TCTN3: variants seen among roughly 807,000 people sequenced by gnomAD.
TCTN3 encodes the protein tectonic-3.
TCTN3 carries 57 observed loss-of-function variants against 71.3 expected under a neutral mutation model. The observed-to-expected ratio is 0.80, with a 90% CI of 0.65 to 1.00. The LOEUF is 1.00. TCTN3 is among the 50% of genes least tolerant of loss of function. TCTN3 has a pLI of 0.00. For synonymous variants in TCTN3, 258 were observed against 267.8 expected (o/e 0.96, Z 0.36); for missense variants, 696 against 719.9 (o/e 0.97, Z 0.38).
At chr10:95,693,244 G>A (rs898562833) in intron 2 of TCTN3, 109 bp downstream of exon 2, 2 of 1,485,272 alleles carry the variant, frequency 1.3e-6, no homozygotes, top group Admixed American at 2.2e-5. Context: ...AATGTCCTAG[G>A]AGTGGAAGTA....
chr10:95,686,667 A>G (rs1198742399), intron 6 of TCTN3, 137 bp from the exon 7 acceptor site: 3 of 799,990 alleles, frequency 3.8e-6, no homozygotes, highest in Non-Finnish European at 6.1e-6. Flanking sequence ...TACTTCCTCT[A>G]TTCCACCTGA....
chr10:95,684,776 A>T, intron 8 of TCTN3, 152 bp from the exon 9 acceptor site: 1 of 822,804 alleles, frequency 1.2e-6, no homozygotes, highest in South Asian at 2.0e-5. Flanking sequence ...ATACTATGAA[A>T]GATAAAGATG....
At chr10:95,690,254 A>G (rs1275648151) in intron 3 of TCTN3, among the ~76,000 whole-genome samples, 1 of 152,154 alleles carries the variant, frequency 6.6e-6, no homozygotes, top group East Asian at 1.9e-4. Context: ...AAAGTGCTGG[A>G]TTACAGGTAT....
chr10:95,681,915 C>T (rs1398453481), intron 12 of TCTN3, among the ~76,000 whole-genome samples: 1 of 152,196 alleles, frequency 6.6e-6, no homozygotes, highest in Non-Finnish European at 1.5e-5. Context: ...CTACTTCAGG[C>T]TGGGAACAGT....
chr10:95,689,717 T>A (rs2097951881), intron 3 of TCTN3, among the ~76,000 whole-genome samples: 1 of 152,216 alleles, frequency 6.6e-6, no homozygotes, highest in South Asian at 2.1e-4. Context: ...CCATCACAGA[T>A]GATATATTAC....
At chr10:95,693,322 T>C in intron 2 of TCTN3, 31 bp downstream of exon 2, 1 of 1,551,474 alleles carries the variant, frequency 6.4e-7, no homozygotes, top group African/African-American at 1.4e-5. Context: ...CCCAAACCCC[T>C]TTAGGATTCA....
At position 95,664,318 on chromosome 10, in the gene TCTN3, A is replaced by G. The variant is rs764681510; in HGVS notation, c.1591-18T>C. 2 of 1,609,666 alleles carry G rather than the reference A, an allele frequency of 1.2e-6. No individual in the cohort carries two copies. Among genetic ancestry groups the G allele is most frequent in the African/African-American group, 2.7e-5 (2 of 74,798 alleles). On this transcript the variant is annotated intron_variant, in intron 13 of 13. Coordinates refer to ENST00000371217, the MANE Select transcript of TCTN3 (RefSeq NM_015631.6). ...TGAGAATCCTACGGGAAGAAAGTCA[A>G]TGACAGGTCAGCGCTTGGTACCCAT...
At chr10:95,692,273 C>T (rs772087976) in intron 3 of TCTN3, among the ~76,000 whole-genome samples, 13 of 152,144 alleles carry the variant, frequency 8.5e-5, no homozygotes, top group Admixed American at 1.3e-4. Flanking sequence ...CTTTGGGGGT[C>T]GAGGTGGGTG....
chr10:95,684,256 T>C (rs1405007736), intron 9 of TCTN3, among the ~76,000 whole-genome samples: 2 of 152,210 alleles, frequency 1.3e-5, no homozygotes, highest in East Asian at 1.9e-4. Context: ...TGATTTTAGA[T>C]TGAAGTCCTG....
chr10:95,688,361 G>C (rs2097950426), intron 3 of TCTN3, among the ~76,000 whole-genome samples: 1 of 129,172 alleles, frequency 7.7e-6, no homozygotes, highest in African/African-American at 2.9e-5. Context: ...CTGCACTCCA[G>C]CCTGGGCAAC....
At chr10:95,669,601 T>C (rs137992249) in intron 13 of TCTN3, among the ~76,000 whole-genome samples, 42 of 152,300 alleles carry the variant, frequency 2.8e-4, no homozygotes, top group African/African-American at 9.4e-4. Flanking sequence ...ATGATGTCTA[T>C]CTGCTTCACC....
chr10:95,680,937 A>G (rs567852963), intron 12 of TCTN3, among the ~76,000 whole-genome samples: 1 of 142,530 alleles, frequency 7.0e-6, no homozygotes, highest in Admixed American at 7.1e-5. Context: ...CACCACACCT[A>G]ATTTTTATTT....
chr10:95,692,223 A>G (rs1041951245), intron 3 of TCTN3, among the ~76,000 whole-genome samples: 9 of 152,024 alleles, frequency 5.9e-5, no homozygotes, highest in African/African-American at 2.2e-4. Flanking sequence ...AAAGTTGCAA[A>G]TGTGGCCAGG....
chr10:95,672,160 T>TGTGTGTGTGTGTGTGTGTGTG (rs139798593), intron 13 of TCTN3, among the ~76,000 whole-genome samples: 15 of 139,676 alleles, frequency 1.1e-4, no homozygotes, highest in African/African-American at 3.5e-4. Context: ...ATTATTATTA[T>TGTGTGTGTGTGTGTGTGTGTG]TGTGTGTGTG....
At chr10:95,690,348 A>G (rs1466954718) in intron 3 of TCTN3, among the ~76,000 whole-genome samples, 2 of 152,176 alleles carry the variant, frequency 1.3e-5, no homozygotes, top group African/African-American at 4.8e-5. Flanking sequence ...GGTGTTGACA[A>G]TTTACCTGGA....
chr10:95,672,529 C>T (rs1160501291), intron 13 of TCTN3, among the ~76,000 whole-genome samples: 1 of 152,068 alleles, frequency 6.6e-6, no homozygotes, highest in Non-Finnish European at 1.5e-5. Flanking sequence ...ATTCTTGGAA[C>T]ATGATTGTCA....
intron 13 of TCTN3, among the ~76,000 whole-genome samples, chr10:95,672,159 A>G (rs981731463): frequency 7.0e-4 from 9 of 12,868 alleles, no homozygotes; most frequent in Admixed American, 3.1e-3. Flanking sequence ...AATTATTATT[A>G]TTGTGTGTGT....
intron 13 of TCTN3, among the ~76,000 whole-genome samples, chr10:95,678,664 C>T (rs541484583): frequency 4.6e-5 from 7 of 151,864 alleles, no homozygotes; most frequent in Middle Eastern, 3.4e-3. Context: ...TATCTGACTT[C>T]TGGAGAAAAT....
chr10:95,675,895 C>T (rs1021762605), intron 13 of TCTN3, among the ~76,000 whole-genome samples: 11 of 152,058 alleles, frequency 7.2e-5, no homozygotes, highest in Admixed American at 1.3e-4. Context: ...AGCCTGGCTT[C>T]GAAAAATCAA....
Sources: gnomAD v4.1 joint callset for allele counts (sites outside exome capture counted in the v4.1 genomes callset) on GRCh38, gnomAD v4.1.1 for gene constraint, MANE v1.5 for transcripts, NCBI Gene and HGNC (gene_info 2026-07-23, HGNC 2026-07-21) for gene names.